NAV2: variants seen among roughly 807,000 people sequenced by gnomAD.
NAV2 encodes the protein helicase, APC down-regulated 1.
NAV2 carries 54 observed loss-of-function variants against 223.2 expected under a neutral mutation model. The observed-to-expected ratio is 0.24, with a 90% CI of 0.19 to 0.30. The LOEUF is 0.30. NAV2 is among the 10% of genes least tolerant of loss of function. NAV2 has a pLI of 1.00. For synonymous variants in NAV2, 1,279 were observed against 1,239.3 expected, an observed-to-expected ratio of 1.03 and a Z score of -0.67; for missense variants, 2,806 against 3,147.5, an observed-to-expected ratio of 0.89 and a Z score of 2.60.
At chr11:20,100,229 C>G (rs1592145720) in intron 31 of NAV2, among the ~76,000 whole-genome samples, 1 of 152,128 alleles carries the variant, frequency 6.6e-6, no homozygotes, top group Non-Finnish European at 1.5e-5. Flanking sequence ...GCCAACAACC[C>G]TGATTAATGA....
chr11:20,062,246 G>T, intron 19 of NAV2, 61 bp from the exon 20 acceptor site: 1 of 1,240,178 alleles, frequency 8.1e-7, no homozygotes, highest in Non-Finnish European at 1.2e-6. Flanking sequence ...CTCCTCCCCT[G>T]TCCCCTTTTT....
At chr11:19,485,630 A>T (rs1454631184) in intron 1 of NAV2, among the ~76,000 whole-genome samples, 1 of 152,192 alleles carries the variant, frequency 6.6e-6, no homozygotes, top group Non-Finnish European at 1.5e-5. Flanking sequence ...ATTCCCACCC[A>T]TTAATGCCCA....
At chr11:19,859,726 G>A (rs2061586954) in intron 3 of NAV2, among the ~76,000 whole-genome samples, 1 of 151,782 alleles carries the variant, frequency 6.6e-6, no homozygotes. Flanking sequence ...GCCGGGCAGA[G>A]GCGCCCCTCA....
chr11:20,095,584 G>A lies in NAV2; in HGVS notation c.5917-88G>A, dbSNP rs575058311. ...TTTATTCCCCTCTCAAACCATTGGC[G>A]GAGTTCTAAGGCAACCTGAGTCCTC... On this transcript the variant is annotated intron_variant, in intron 29 of 37. Coordinates refer to ENST00000349880, the MANE Select transcript of NAV2 (RefSeq NM_145117.5). 41 of 859,712 alleles carry A rather than the reference G, an allele frequency of 4.8e-5. No homozygotes were observed. The Middle Eastern group carries it at 6.7e-4, about 14-fold the overall frequency. 53.3% of individuals were successfully genotyped at this position (859,712 alleles called of 1,614,324 possible). A position where few individuals can be genotyped will look rare whatever the true frequency, so the allele number is the denominator to read the frequency against.
At chr11:19,517,469 T>C (rs2134287345) in intron 1 of NAV2, among the ~76,000 whole-genome samples, 1 of 152,320 alleles carries the variant, frequency 6.6e-6, no homozygotes, top group Admixed American at 6.5e-5. Context: ...AAATTGCCCA[T>C]CTGTACCTGG....
chr11:20,081,442 C>G (rs2153664250), intron 25 of NAV2, among the ~76,000 whole-genome samples: 1 of 152,312 alleles, frequency 6.6e-6, no homozygotes, highest in South Asian at 2.1e-4. Flanking sequence ...TTTAAGACAA[C>G]TCCCGCTTAT....
intron 6 of NAV2, among the ~76,000 whole-genome samples, chr11:19,905,907 CT>C (rs2042825689): frequency 6.6e-6 from 1 of 152,072 alleles, no homozygotes; most frequent in Non-Finnish European, 1.5e-5. Context: ...GGGAGCGAAC[CT>C]TTTTTTGGAC....
At chr11:20,041,499 T>C (rs1045392231) in intron 12 of NAV2, among the ~76,000 whole-genome samples, 5 of 152,184 alleles carry the variant, frequency 3.3e-5, no homozygotes, top group African/African-American at 1.2e-4. Context: ...CCATTACAGT[T>C]TGATTGGGGG....
Position 20,044,055 on chromosome 11 carries a change from A to G in NAV2, c.2982A>G (p.Gly994=). 1 of 1,614,182 alleles carries G rather than the reference A, an allele frequency of 6.2e-7. No individual in the cohort carries two copies. The highest frequency in any genetic ancestry group is 8.5e-7 in the Non-Finnish European group (1 of 1,180,014). Residue 994 remains glycine, a synonymous_variant, in exon 13 of 38, where the codon GGA becomes GGG. Coordinates refer to ENST00000349880, the MANE Select transcript of NAV2 (RefSeq NM_145117.5). ...GTGATGATGTCAAGAAATCAGACGG[A>G]GGCTCAGACAGCGGCATAAAAATGG... The part of the protein sequence containing the change: ...WSGDDVKKSD[G]GSDSGIKMEP...
intron 1 of NAV2, among the ~76,000 whole-genome samples, chr11:19,454,419 G>A (rs1285723334): frequency 6.6e-6 from 1 of 152,164 alleles, no homozygotes; most frequent in Non-Finnish European, 1.5e-5. Context: ...GAGAATGGAT[G>A]TTTTCTTCAG....
At chr11:19,382,508 G>T (rs1378644553) in intron 1 of NAV2, among the ~76,000 whole-genome samples, 2 of 152,170 alleles carry the variant, frequency 1.3e-5, no homozygotes, top group Non-Finnish European at 2.9e-5. Context: ...CCACTTATAG[G>T]CTGTGCTTTC....
intron 26 of NAV2, among the ~76,000 whole-genome samples, chr11:20,085,579 C>T (rs977067127): frequency 1.1e-4 from 17 of 152,170 alleles, no homozygotes; most frequent in African/African-American, 2.7e-4. Context: ...TTAGTTTCAG[C>T]GGGTAACATT....
rs1021817192 is a variant in NAV2 at position 19,659,196 on chromosome 11, G to A, written c.76-173288G>A. Among the ~76,000 whole-genome samples, 3 of 152,228 alleles carry A rather than the reference G, an allele frequency of 2.0e-5. No individual in the cohort carries two copies. In the East Asian group the frequency reaches 5.8e-4, roughly 29 times the overall value. On this transcript the variant is annotated intron_variant, in intron 1 of 37. Coordinates refer to the NAV2 transcript ENST00000360655. ...AAGGGGTAAGGAAGGTGACTGTAAA[G>A]CACTGGCATTTAGACCGGAGACCTC...
chr11:19,604,143 G>A (rs1565092760), intron 1 of NAV2, among the ~76,000 whole-genome samples: 1 of 152,102 alleles, frequency 6.6e-6, no homozygotes, highest in Non-Finnish European at 1.5e-5. Flanking sequence ...TGAGATAGGG[G>A]GCTTTGGAGG....
chr11:20,082,577 C>A (rs369423238), intron 25 of NAV2: 1 of 1,613,472 alleles, frequency 6.2e-7, no homozygotes, highest in Admixed American at 1.7e-5. Context: ...TTTTTGCTTG[C>A]GTTTTCTCTG....
chr11:19,593,850 C>T (rs988864191), intron 1 of NAV2, among the ~76,000 whole-genome samples: 1 of 152,144 alleles, frequency 6.6e-6, no homozygotes, highest in Non-Finnish European at 1.5e-5. Context: ...TTTCAGTAAA[C>T]TGTCTCTACA....
intron 3 of NAV2, among the ~76,000 whole-genome samples, chr11:19,859,978 G>A (rs1236479272): frequency 3.9e-5 from 5 of 127,686 alleles, no homozygotes; most frequent in Admixed American, 1.5e-4. Context: ...CGGATGGGGC[G>A]GCTGGCCAGG....
chr11:19,780,649 G>A (rs182620086), intron 1 of NAV2, among the ~76,000 whole-genome samples: 1 of 152,340 alleles, frequency 6.6e-6, no homozygotes, highest in Admixed American at 6.5e-5. Context: ...ATTGTAAATT[G>A]AGACTACAGC....
At chr11:19,584,706 T>G (rs1324797544) in intron 1 of NAV2, among the ~76,000 whole-genome samples, 1 of 152,264 alleles carries the variant, frequency 6.6e-6, no homozygotes, top group African/African-American at 2.4e-5. Context: ...ATTTTCTTAA[T>G]CTTGAGTTCT....
Sources: gnomAD v4.1 joint callset for allele counts (sites outside exome capture counted in the v4.1 genomes callset) on GRCh38, gnomAD v4.1.1 for gene constraint, MANE v1.5 for transcripts, NCBI Gene and HGNC (gene_info 2026-07-23, HGNC 2026-07-21) for gene names.